ZNF426: variants seen among roughly 807,000 people sequenced by gnomAD.
ZNF426 encodes the protein CTC-543D15.7.
In ZNF426, 23 loss-of-function variants were observed where a neutral mutation model predicts 24.0. The ratio of observed to expected loss-of-function variants is 0.96; its 90% CI spans 0.69 to 1.36. The LOEUF (loss-of-function observed/expected upper bound fraction) is 1.36. Ranked by LOEUF, ZNF426 falls within the 40% of genes most tolerant of loss-of-function variation. The probability of loss-of-function intolerance (pLI) is 0.00; values close to 1 mark genes in which losing one functional copy is unlikely to be tolerated. For missense variants in ZNF426, 646 were observed against 658.4 expected (o/e 0.98, Z 0.21); for synonymous variants, 272 against 224.6 (o/e 1.21, Z -1.89).
At position 9,528,560 on chromosome 19, in the gene ZNF426, T is replaced by C; in HGVS notation, c.1485A>G (p.Glu495=). ...AGGGTTTCTCTCCAGTGTGAGTCCT[T>C]TCATGTATTTGAAATGAACTGGAAT... The part of the protein sequence containing the change: ...FSHSSSFQIH[E]RTHTGEKPYE... Residue 495 remains glutamate (E), a synonymous_variant, in exon 8 of 8, where the codon GAA becomes GAG. Coordinates refer to ENST00000253115, the MANE Select transcript of ZNF426 (RefSeq NM_024106.3). 6.2e-7 allele frequency: 1 copy of C among 1,614,094 alleles called. No homozygotes were observed. Among genetic ancestry groups the C allele is most frequent in the Non-Finnish European group, 8.5e-7 (1 of 1,180,014 alleles).
In ZNF426 at chr19:9,525,736, C is replaced by G. The variant is rs1020163794; in HGVS notation, c.*2644G>C. The stretch of plus-strand genomic sequence containing the variant: ...TCTCCTGACCTCATGATCCACCCAC[C>G]TCTGCCTCCCAAAGTGCTGGGATTA... On this transcript the variant is annotated 3_prime_UTR_variant, in exon 8 of 8. Coordinates refer to ENST00000253115, the MANE Select transcript of ZNF426 (RefSeq NM_024106.3). The G allele has an allele frequency of 1.3e-5, 2 of 152,120 alleles. No individual in the cohort carries two copies. The highest frequency in any genetic ancestry group is 2.9e-5 in the Non-Finnish European group (2 of 68,060). 9.4% of individuals were successfully genotyped at this position (152,120 alleles called of 1,614,324 possible).
chr19:9,530,967 A>G lies in ZNF426; in HGVS notation c.408+18T>C, dbSNP rs781577301. On this transcript the variant is annotated intron_variant, in intron 7 of 7. Coordinates refer to ENST00000253115, the MANE Select transcript of ZNF426 (RefSeq NM_024106.3). ...TCTCTGAGGGTGGAAAATAAAAAAT[A>G]TCCTATGCAAATCTTACCAATTGTA... 4 of 1,595,796 alleles carry G rather than the reference A, an allele frequency of 2.5e-6. No individual in the cohort carries two copies. Among genetic ancestry groups the G allele is most frequent in the Non-Finnish European group, 3.4e-6 (4 of 1,163,790 alleles).
rs963914305 is a variant in ZNF426, at chr19:9,523,741, G to A, written c.*4639C>T. The A allele has an allele frequency of 1.4e-4, 22 of 152,338 alleles. No homozygotes were observed. The highest frequency in any genetic ancestry group is 5.3e-4 in the African/African-American group (22 of 41,570). The allele number at this position is 152,338 out of a possible 1,614,324, so 9.4% of individuals were successfully genotyped here. On this transcript the variant is annotated 3_prime_UTR_variant, in exon 8 of 8. Transcript: ENST00000253115. ...GCAACCTAGATCCCTTGCATGTGCA[G>A]TTCACAATAAAGTTCATGCTCCTAT... is the stretch of plus-strand genomic sequence containing the variant.
At position 9,528,940 on chromosome 19, in the gene ZNF426, A is replaced by G. The variant is rs767543865; in HGVS notation, c.1105T>C (p.Cys369Arg). 2 of 1,613,930 alleles carry G rather than the reference A, an allele frequency of 1.2e-6. No homozygotes were observed. The highest frequency in any genetic ancestry group is 1.1e-5 in the South Asian group (1 of 91,078). ...SGDKPYECKE[C>R]GKSFLTSSRL... ...GAGGATGTAAGGAAGGATTTCCCAC[A>G]TTCCTTACATTCATAGGGCTTGTCT... Residue 369 changes from cysteine (C) to arginine (R), a missense_variant, in exon 8 of 8, where the codon TGT becomes CGT. Physicochemically the swap from Cys to Arg is radical, Grantham distance 180. Coordinates refer to ENST00000253115, the MANE Select transcript of ZNF426 (RefSeq NM_024106.3).
In ZNF426 at chr19:9,525,475, T is replaced by G. The variant is rs1599703912; in HGVS notation, c.*2905A>C. 1 of 152,174 alleles carries G rather than the reference T, an allele frequency of 6.6e-6. No homozygotes were observed. Among genetic ancestry groups the G allele is most frequent in the East Asian group, 1.9e-4 (1 of 5,144 alleles). 9.4% of individuals were successfully genotyped at this position (152,174 alleles called of 1,614,324 possible). A position where few individuals can be genotyped will look rare whatever the true frequency, so the allele number is the denominator to read the frequency against. The stretch of plus-strand genomic sequence containing the variant: ...GAAAGGCTGAGCATTGATGATGGGT[T>G]TTTGTTGTTGTTGTTGTTGTTGTTG... On this transcript the variant is annotated 3_prime_UTR_variant, in exon 8 of 8. Transcript: ENST00000253115.
In ZNF426 at chr19:9,525,460, G is replaced by A. The variant is rs2073782922; in HGVS notation, c.*2920C>T. On this transcript the variant is annotated 3_prime_UTR_variant, in exon 8 of 8. Coordinates refer to ENST00000253115, the MANE Select transcript of ZNF426 (RefSeq NM_024106.3). ...TGAGTTCATGTTTAAGAAAGGCTGAGCATTGATGATGGGTTTTTGTTGTTG... is the reference window on the plus strand; with the variant it reads ...TGAGTTCATGTTTAAGAAAGGCTGAACATTGATGATGGGTTTTTGTTGTTG... The A allele has an allele frequency of 6.6e-6, 1 of 152,252 alleles. No homozygotes were observed. Among genetic ancestry groups the A allele is most frequent in the African/African-American group, 2.4e-5 (1 of 41,382 alleles). 9.4% of individuals were successfully genotyped at this position (152,252 alleles called of 1,614,324 possible).
chr19:9,535,183 T>TA lies in ZNF426; in HGVS notation c.117+4_117+5insT. On this transcript the variant is annotated splice_donor_region_variant and intron_variant, in intron 4 of 7. Coordinates refer to ENST00000253115, the MANE Select transcript of ZNF426 (RefSeq NM_024106.3). The stretch of plus-strand genomic sequence containing the variant: ...ACTATGTATAAGAATACAGCTGCTT[T>TA]TTACCTGATAACAATCTGTTAGGCA... 1 of 1,611,618 alleles carries TA rather than the reference T, an allele frequency of 6.2e-7. No homozygotes were observed. The highest frequency in any genetic ancestry group is 8.5e-7 in the Non-Finnish European group (1 of 1,178,514).
At position 9,528,296 on chromosome 19, in the gene ZNF426, C is replaced by T; in HGVS notation, c.*84G>A. 7.3e-7 allele frequency: 1 copy of T among 1,365,580 alleles called. No homozygotes were observed. The highest frequency in any genetic ancestry group is 2.3e-5 in the Admixed American group (1 of 43,110). The allele number at this position is 1,365,580 out of a possible 1,614,324, so 84.6% of individuals were successfully genotyped here. A position where few individuals can be genotyped will look rare whatever the true frequency, so the allele number is the denominator to read the frequency against. On this transcript the variant is annotated 3_prime_UTR_variant, in exon 8 of 8. Coordinates refer to ENST00000253115, the MANE Select transcript of ZNF426 (RefSeq NM_024106.3). Reference sequence around the variant, plus strand: ...AAGTAATTTTCATGCAGCTTCTTCTCTCCAGAGTGAGTTCATTCATGTCTT... The same window carrying T: ...AAGTAATTTTCATGCAGCTTCTTCTTTCCAGAGTGAGTTCATTCATGTCTT...
intron 7 of ZNF426, 85 bp from the exon 8 acceptor site, chr19:9,529,721 G>GTTTCTA: frequency 7.6e-7 from 1 of 1,311,194 alleles, no homozygotes; most frequent in Non-Finnish European, 1.0e-6. Flanking sequence ...ACATTATAAT[G>GTTTCTA]GTGATTATAA....
At chr19:9,536,614 T>C (rs779660389) in intron 2 of ZNF426, 1 of 265,022 alleles carries the variant, frequency 3.8e-6, no homozygotes, top group Non-Finnish European at 7.3e-6. Flanking sequence ...AAGTACAAGT[T>C]TTGCACACAC....
Position 9,529,391 on chromosome 19 carries a change from G to A in ZNF426, c.654C>T (p.Ser218=). The A allele has an allele frequency of 6.2e-7, 1 of 1,614,020 alleles. No homozygotes were observed. The highest frequency in any genetic ancestry group is 8.5e-7 in the Non-Finnish European group (1 of 1,179,998). The change falls in exon 8 of 8, where the codon AGC becomes AGT. Residue 218 remains serine (S), a synonymous_variant. Coordinates refer to ENST00000253115, the MANE Select transcript of ZNF426 (RefSeq NM_024106.3). Reference sequence around the variant, plus strand: ...TACATTCAAATGACTTTTCTTGTGTGCTAGTTCTCTGGTATACAATATTTG... The same window carrying A: ...TACATTCAAATGACTTTTCTTGTGTACTAGTTCTCTGGTATACAATATTTG... The part of the protein sequence containing the change: ...LTPNIVYQRT[S]TQEKSFECSH...
At position 9,529,152 on chromosome 19, in the gene ZNF426, T is replaced by G. The variant is rs1284116968; in HGVS notation, c.893A>C (p.His298Pro). ...GYRYPAYLSI[H>P]MRTHTGEKPY... ...TTTCTCCCCAGTGTGGGTTCGCATG[T>G]GAATACTGAGGTAGGCTGGGTATCT... is the stretch of plus-strand genomic sequence containing the variant. The change falls in exon 8 of 8, where the codon CAC becomes CCC. Residue 298 changes from histidine to proline, a missense_variant. By Grantham distance (77) the His-to-Pro change is moderately conservative. Transcript: ENST00000253115. 29 of 1,614,252 alleles carry G rather than the reference T, an allele frequency of 1.8e-5. No homozygotes were observed. Among genetic ancestry groups the G allele is most frequent in the Non-Finnish European group, 2.5e-5 (29 of 1,180,042 alleles).
rs1599709620 is a variant in ZNF426, at chr19:9,529,230, T to C, written c.815A>G (p.Glu272Gly). ...IDSTSLSVLI[E>G]TLNAKKPYKC... ...GTAGGGCTTTTTTGCATTGAGGGTT[T>C]CTATAAGCACAGAAAGGCTTGTAGA... Residue 272 changes from glutamate to glycine, a missense_variant, in exon 8 of 8, where the codon GAA becomes GGA. Transcript: ENST00000253115. 1 of 1,614,020 alleles carries C rather than the reference T, an allele frequency of 6.2e-7. No homozygotes were observed. The highest frequency in any genetic ancestry group is 1.1e-5 in the South Asian group (1 of 91,028).
intron 7 of ZNF426, 114 bp from the exon 8 acceptor site, chr19:9,529,750 C>A: frequency 1.0e-6 from 1 of 985,592 alleles, no homozygotes; most frequent in Non-Finnish European, 1.5e-6. Flanking sequence ...ATTTTTATTA[C>A]ATGCATTCAG....
intron 6 of ZNF426, among the ~76,000 whole-genome samples, chr19:9,532,062 T>C (rs997743504): frequency 2.5e-4 from 38 of 152,116 alleles, no homozygotes; most frequent in African/African-American, 8.4e-4. Context: ...GCCTGAATCA[T>C]GGCTAGTTCT....
intron 4 of ZNF426, 61 bp from the exon 5 acceptor site, chr19:9,534,027 G>A: frequency 6.3e-7 from 1 of 1,581,960 alleles, no homozygotes; most frequent in Non-Finnish European, 8.6e-7. Flanking sequence ...GTTCGCTGGA[G>A]GATGAGGAAG....
chr19:9,535,077 C>CAAAA (rs35638085), intron 4 of ZNF426, 111 bp downstream of exon 4: 33 of 416,132 alleles, frequency 7.9e-5, no homozygotes, highest in Middle Eastern at 8.9e-4. Context: ...GACTCCCTCT[C>CAAAA]AAAAAAAAAA....
Position 9,529,240 on chromosome 19 carries a change from CA to C in ZNF426, c.804del (p.Val269CysfsTer3), listed in dbSNP as rs764180271. The C allele has an allele frequency of 1.9e-6, 3 of 1,613,868 alleles. No individual in the cohort carries two copies. ...TTTGCATTGAGGGTTTCTATAAGCA[CA>C]GAAAGGCTTGTAGAGTCAATAAAAC... ...GPGFIDSTSL[S>X]VLIETLNAKK... On this transcript the variant is annotated frameshift_variant, in exon 8 of 8. Transcript: ENST00000253115. LOFTEE classifies it low-confidence loss of function (END_TRUNC).
At chr19:9,536,975 A>G (rs1362390332) in intron 2 of ZNF426, among the ~76,000 whole-genome samples, 2 of 152,144 alleles carry the variant, frequency 1.3e-5, no homozygotes, top group Non-Finnish European at 2.9e-5. Flanking sequence ...TCTACTAAAA[A>G]TACAAAAATT....
Sources: gnomAD v4.1 joint callset for allele counts (sites outside exome capture counted in the v4.1 genomes callset) on GRCh38, gnomAD v4.1.1 for gene constraint, MANE v1.5 for transcripts, NCBI Gene and HGNC (gene_info 2026-07-23, HGNC 2026-07-21) for gene names.